Variants in MYO16 observed in about 807,000 individuals in gnomAD.
MYO16 encodes unconventional myosin-XVI.
MYO16 carries 94 observed loss-of-function variants against 205.3 expected under a neutral mutation model. That is an observed-to-expected ratio of 0.46 (90% confidence interval 0.39 to 0.54). The LOEUF (loss-of-function observed/expected upper bound fraction) is 0.54, where lower values mean the gene tolerates loss of function less well. Among genes scored for constraint, MYO16 ranks in the 20% least tolerant of loss-of-function variants. The pLI is 0.00. For synonymous variants in MYO16, 988 were observed against 954.0 expected (o/e 1.04, Z -0.66); for missense variants, 2,315 against 2,387.5 (o/e 0.97, Z 0.63).
chr13:108,714,409 A>C (rs1334185140), intron 3 of MYO16, among the ~76,000 whole-genome samples: 1 of 152,210 alleles, frequency 6.6e-6, no homozygotes, highest in Non-Finnish European at 1.5e-5. Context: ...GTCCCAGTAG[A>C]AAACAGACCT....
Position 108,961,639 on chromosome 13 carries a change from T to C in MYO16, c.2138T>C (p.Leu713Pro), listed in dbSNP as rs1883586500. 6.2e-7 allele frequency: 1 copy of C among 1,613,336 alleles called. No individual in the cohort carries two copies. The highest frequency in any genetic ancestry group is 1.3e-5 in the African/African-American group (1 of 74,914). Residue 713 changes from leucine (L) to proline (P), a missense_variant, in exon 18 of 35, where the codon CTC (leucine) becomes CCC (proline). Physicochemically the swap from Leu to Pro is moderately conservative, Grantham distance 98. This residue lies in a region of MYO16 where 1,213 missense variants were observed against 1,274.4 expected (regional missense o/e 0.95). Coordinates refer to ENST00000457511, the MANE Select transcript of MYO16 (RefSeq NM_001198950.3). ...NEGNSAFVSD[L>P]QLLEQVAGML... ...GGGAACTCCGCCTTCGTTTCTGACC[T>C]CCAGCTCCTGGAACAAGGTCAGTGG... is the stretch of plus-strand genomic sequence containing the variant.
intron 16 of MYO16, among the ~76,000 whole-genome samples, chr13:108,935,129 T>A (rs1424570362): frequency 6.6e-6 from 1 of 152,218 alleles, no homozygotes; most frequent in Non-Finnish European, 1.5e-5. Flanking sequence ...CATATGAATT[T>A]TAAACAGTTT....
chr13:108,543,644 GAAAAAAA>G, the MYO16 span, among the ~76,000 whole-genome samples: 333 of 77,516 alleles, frequency 4.3e-3, 4 homozygotes, highest in African/African-American at 0.013. Context: ...TCCCTCTCAA[GAAAAAAA>G]AAAAAAAAAA....
chr13:109,112,644 A>G (rs1313744843), intron 28 of MYO16, among the ~76,000 whole-genome samples: 1 of 151,986 alleles, frequency 6.6e-6, no homozygotes, highest in Non-Finnish European at 1.5e-5. Context: ...AATCCCAGCT[A>G]CTCAGGAGGC....
intron 16 of MYO16, among the ~76,000 whole-genome samples, chr13:108,941,457 A>G (rs1236353925): frequency 2.6e-5 from 4 of 152,068 alleles, no homozygotes; most frequent in African/African-American, 9.7e-5. Flanking sequence ...CGGGTGGACC[A>G]TTTGAGGTCA....
chr13:109,170,824 A>C (rs931117584), intron 33 of MYO16, among the ~76,000 whole-genome samples: 2 of 152,212 alleles, frequency 1.3e-5, no homozygotes, highest in East Asian at 3.9e-4. Context: ...TCAGGGTTCT[A>C]AACTTCAGCA....
At chr13:108,503,444 A>C in the MYO16 span, among the ~76,000 whole-genome samples, 6 of 137,698 alleles carry the variant, frequency 4.4e-5, no homozygotes, top group African/African-American at 1.7e-4. Flanking sequence ...AGCTCAAAAA[A>C]GTTTTTTTTT....
At chr13:108,840,738 G>T (rs888886747) in intron 9 of MYO16, among the ~76,000 whole-genome samples, 2 of 152,136 alleles carry the variant, frequency 1.3e-5, no homozygotes, top group Non-Finnish European at 2.9e-5. Flanking sequence ...GGCTCACTAT[G>T]TTGCCCAGGC....
chr13:109,074,777 C>T (rs1054584343), intron 27 of MYO16, among the ~76,000 whole-genome samples: 6 of 152,162 alleles, frequency 3.9e-5, no homozygotes, highest in African/African-American at 1.4e-4. Flanking sequence ...GCTATCAGAT[C>T]TCATGAGAAC....
At chr13:108,501,717 C>T in the MYO16 span, among the ~76,000 whole-genome samples, 1 of 152,216 alleles carries the variant, frequency 6.6e-6, no homozygotes, top group Non-Finnish European at 1.5e-5. Context: ...TAAACATGTC[C>T]TTTGCACGTT....
intron 1 of MYO16, among the ~76,000 whole-genome samples, chr13:108,620,882 C>T (rs1396767111): frequency 6.6e-6 from 1 of 152,196 alleles, no homozygotes; most frequent in Admixed American, 6.5e-5. Context: ...TTAAAAGCTT[C>T]CTTGTCTCTA....
intron 1 of MYO16, among the ~76,000 whole-genome samples, chr13:108,643,178 C>T (rs891345495): frequency 6.6e-6 from 1 of 152,190 alleles, no homozygotes; most frequent in Admixed American, 6.5e-5. Context: ...AATCACTAGC[C>T]TCTGTCAATC....
chr13:109,014,961 C>T (rs1440417542), intron 22 of MYO16, among the ~76,000 whole-genome samples: 1 of 152,012 alleles, frequency 6.6e-6, no homozygotes, highest in Non-Finnish European at 1.5e-5. Flanking sequence ...TATTTATTTC[C>T]CTTGCCTGAT....
At chr13:108,740,143 G>A (rs1390258496) in intron 4 of MYO16, among the ~76,000 whole-genome samples, 1 of 148,168 alleles carries the variant, frequency 6.7e-6, no homozygotes, top group African/African-American at 2.5e-5. Flanking sequence ...ACTCGTCACA[G>A]TCATTCTCTG....
intron 8 of MYO16, among the ~76,000 whole-genome samples, chr13:108,821,493 C>T (rs186639124): frequency 3.9e-5 from 6 of 152,166 alleles, no homozygotes; most frequent in Admixed American, 2.0e-4. Flanking sequence ...AACAAATAGA[C>T]ATTTTTAGAT....
intron 2 of MYO16, among the ~76,000 whole-genome samples, chr13:108,701,862 C>A (rs1883321235): frequency 2.0e-5 from 3 of 151,942 alleles, no homozygotes; most frequent in Non-Finnish European, 4.4e-5. Flanking sequence ...TAGAGAAGAA[C>A]AATTATAAAA....
In MYO16 at chr13:108,835,494, T is replaced by C. The variant is rs149042083; in HGVS notation, c.1098-8849T>C. ...ACAGACTAATACAGTAAATATGTAC[T>C]GGGAGTGGGGTGCTGCTGTAAAGAT... On this transcript the variant is annotated intron_variant, in intron 9 of 34. Transcript: ENST00000457511. Among the ~76,000 whole-genome samples, 44 of 152,276 alleles carry C rather than the reference T, an allele frequency of 2.9e-4. No homozygotes were observed. In the East Asian group the frequency reaches 8.3e-3, roughly 29 times the overall value.
At chr13:108,661,448 C>A (rs1043239623) in intron 1 of MYO16, among the ~76,000 whole-genome samples, 1 of 151,934 alleles carries the variant, frequency 6.6e-6, no homozygotes, top group East Asian at 1.9e-4. Context: ...TTAACATAAT[C>A]CCAGACTTCT....
At chr13:108,954,196 G>A (rs1177548073) in intron 16 of MYO16, among the ~76,000 whole-genome samples, 1 of 152,194 alleles carries the variant, frequency 6.6e-6, no homozygotes, top group Admixed American at 6.5e-5. Context: ...TAAGCTAGCT[G>A]GTGCAGGGCT....
Sources: allele counts gnomAD v4.1 joint callset (sites outside exome capture counted in the v4.1 genomes callset), GRCh38; gene constraint gnomAD v4.1.1; regional missense constraint gnomAD v4.1.1; transcripts MANE v1.5; gene names NCBI Gene and HGNC (gene_info 2026-07-23, HGNC 2026-07-21).